JAKMIP1: variants seen among roughly 807,000 people sequenced by gnomAD.
JAKMIP1 encodes the protein janus kinase and microtubule interacting protein 1.
In JAKMIP1, 33 loss-of-function variants were observed where a neutral mutation model predicts 113.0. The ratio of observed to expected loss-of-function variants is 0.29; its 90% CI spans 0.22 to 0.39. The LOEUF (loss-of-function observed/expected upper bound fraction) is 0.39. Among genes scored for constraint, JAKMIP1 ranks in the 10% least tolerant of loss-of-function variants. The pLI, the probability that JAKMIP1 is intolerant of heterozygous loss-of-function variation, is 1.00. For synonymous variants in JAKMIP1, 480 were observed against 459.9 expected, an observed-to-expected ratio of 1.04 and a Z score of -0.56; for missense variants, 813 against 1,080.5, an observed-to-expected ratio of 0.75 and a Z score of 3.47.
Position 6,070,821 on chromosome 4 carries a change from C to A in JAKMIP1, c.1303-5813G>T, listed in dbSNP as rs1031790018. 3.4e-5 allele frequency among the ~76,000 whole-genome samples: 5 copies of A among 146,796 alleles called. No homozygotes were observed. In the East Asian group the frequency reaches 1.1e-3, roughly 34 times the overall value. ...TACCATTTTTATAGGCCAAAACAAACCATTATTTAATAGAAAAACTGATTT... is the reference window on the plus strand; with the variant it reads ...TACCATTTTTATAGGCCAAAACAAAACATTATTTAATAGAAAAACTGATTT... On this transcript the variant is annotated intron_variant, in intron 8 of 20. Transcript: ENST00000409021.
chr4:6,135,059 C>G lies in JAKMIP1; in HGVS notation c.-147-22062G>C, dbSNP rs145841765. ...GGCTCGTGTATCTCTGGTCTGGTAT[C>G]GTTGGGGCAGAGCTGCTCAGTCTCC... is the stretch of plus-strand genomic sequence containing the variant. On this transcript the variant is annotated intron_variant, in intron 1 of 20. Coordinates refer to ENST00000409021, the MANE Select transcript of JAKMIP1 (RefSeq NM_001099433.2). This position sits in a 1 kb window ranked among gnomAD's most constrained non-coding sequence, Gnocchi z 4.9. 6.6e-6 allele frequency among the ~76,000 whole-genome samples: 1 copy of G among 150,750 alleles called. No homozygotes were observed. The highest frequency in any genetic ancestry group is 2.4e-5 in the African/African-American group (1 of 40,964).
intron 3 of JAKMIP1, among the ~76,000 whole-genome samples, chr4:6,095,353 G>A (rs2108850847): frequency 6.6e-6 from 1 of 151,064 alleles, no homozygotes; most frequent in East Asian, 2.0e-4. Context: ...AGGAAGGGAG[G>A]AAGAAAGGAA....
At chr4:6,132,045 GATAAA>G (rs954218301) in intron 1 of JAKMIP1, among the ~76,000 whole-genome samples, 15 of 152,204 alleles carry the variant, frequency 9.9e-5, no homozygotes, top group African/African-American at 3.6e-4. Flanking sequence ...AATATGTGAA[GATAAA>G]ATAAAATCAT....
chr4:6,154,300 G>A lies in JAKMIP1; in HGVS notation c.-147-41303C>T, dbSNP rs1721968502. 6.6e-6 allele frequency among the ~76,000 whole-genome samples: 1 copy of A among 152,026 alleles called. No individual in the cohort carries two copies. The highest frequency in any genetic ancestry group is 6.6e-5 in the Admixed American group (1 of 15,266). On this transcript the variant is annotated intron_variant, in intron 1 of 20. Transcript: ENST00000409021. This position sits in a 1 kb window ranked among gnomAD's most constrained non-coding sequence, Gnocchi z 4.2. ...GGCCATTGAACTACTTTAATAATTC[G>A]GTCATTTTCACATCAAAACCATTGC... is the stretch of plus-strand genomic sequence containing the variant.
At chr4:6,102,722 C>CTTTTTTTTTTTTTTTTTTTTTTTTTT (rs1191358910) in intron 3 of JAKMIP1, among the ~76,000 whole-genome samples, 1 of 50,820 alleles carries the variant, frequency 2.0e-5, no homozygotes, top group Non-Finnish European at 3.2e-5. Context: ...TCTCTAAAGA[C>CTTTTTTTTTTTTTTTTTTTTTTTTTT]TTTTTTTTTT....
At position 6,192,057 on chromosome 4, in the gene JAKMIP1, C is replaced by T. The variant is rs1325810201; in HGVS notation, c.-148+8196G>A. ...GAGCTATTCTCCTGCCTCAGCCTCC[C>T]GAGTAGTTGGGATTACAGGCGTGTG... On this transcript the variant is annotated intron_variant, in intron 1 of 20. Transcript: ENST00000409021. This position sits in a 1 kb window ranked among gnomAD's most constrained non-coding sequence, Gnocchi z 5.0. 1.3e-5 allele frequency among the ~76,000 whole-genome samples: 2 copies of T among 151,958 alleles called. No homozygotes were observed. The highest frequency in any genetic ancestry group is 2.4e-5 in the African/African-American group (1 of 41,348).
chr4:6,125,457 G>T (rs1310045451), intron 1 of JAKMIP1, among the ~76,000 whole-genome samples: 1 of 152,050 alleles, frequency 6.6e-6, no homozygotes, highest in African/African-American at 2.4e-5. Flanking sequence ...TCCTGTTTTG[G>T]GTCAGGTTGT....
intron 18 of JAKMIP1, among the ~76,000 whole-genome samples, chr4:6,038,117 C>T (rs910036929): frequency 1.4e-5 from 2 of 138,582 alleles, no homozygotes; most frequent in African/African-American, 2.9e-5. Context: ...CAGAGGTTAA[C>T]CCAGTAGCCC....
In JAKMIP1 at chr4:6,155,727, G is replaced by T. The variant is rs1179462617; in HGVS notation, c.-147-42730C>A. Among the ~76,000 whole-genome samples the T allele has an allele frequency of 6.6e-6, 1 of 152,204 alleles. No homozygotes were observed. Among genetic ancestry groups the T allele is most frequent in the Non-Finnish European group, 1.5e-5 (1 of 68,038 alleles). Reference sequence around the variant, plus strand: ...CTGTATGTCCCATGGCACATTTATAGAACGGGATATTATAGTGTCCTTTAA... The same window carrying T: ...CTGTATGTCCCATGGCACATTTATATAACGGGATATTATAGTGTCCTTTAA... On this transcript the variant is annotated intron_variant, in intron 1 of 20. Coordinates refer to ENST00000409021, the MANE Select transcript of JAKMIP1 (RefSeq NM_001099433.2). The surrounding 1 kb of genome is among the most constrained non-coding windows in gnomAD (Gnocchi z 6.1).
intron 1 of JAKMIP1, among the ~76,000 whole-genome samples, chr4:6,145,562 G>C (rs555319068): frequency 2.0e-5 from 3 of 152,106 alleles, no homozygotes; most frequent in African/African-American, 7.2e-5. Context: ...TAAGAGCTGG[G>C]TCTTGAAGAG....
chr4:6,161,306 G>A (rs764711036), intron 1 of JAKMIP1, among the ~76,000 whole-genome samples: 13 of 134,362 alleles, frequency 9.7e-5, no homozygotes, highest in African/African-American at 4.6e-4. Flanking sequence ...GACCTCCACT[G>A]ACTTCTATGG....
chr4:6,132,457 C>T (rs1718630697), intron 1 of JAKMIP1, among the ~76,000 whole-genome samples: 1 of 152,038 alleles, frequency 6.6e-6, no homozygotes, highest in African/African-American at 2.4e-5. Flanking sequence ...GCCTGGCCAA[C>T]ATGGTGAAAC....
chr4:6,098,722 A>AAGAAAGAAAGAAAGAG (rs373338055), intron 3 of JAKMIP1, among the ~76,000 whole-genome samples: 1 of 12,978 alleles, frequency 7.7e-5, no homozygotes, highest in African/African-American at 2.2e-4. Flanking sequence ...GAAAGAAAGA[A>AAGAAAGAAAGAAAGAG]AAAGAAAGAA....
In JAKMIP1 at chr4:6,162,596, G is replaced by A. The variant is rs1272535950; in HGVS notation, c.-148+37657C>T. 3.3e-5 allele frequency among the ~76,000 whole-genome samples: 5 copies of A among 152,200 alleles called. No homozygotes were observed. The highest frequency in any genetic ancestry group is 2.0e-4 in the Admixed American group (3 of 15,286). ...AGGCAGTCATGTCAACAGGGCAAAG[G>A]CACCATCTCGTTCAACCTGCCAAGC... On this transcript the variant is annotated intron_variant, in intron 1 of 20. Coordinates refer to ENST00000409021, the MANE Select transcript of JAKMIP1 (RefSeq NM_001099433.2). This position sits in a 1 kb window ranked among gnomAD's most constrained non-coding sequence, Gnocchi z 5.6.
chr4:6,033,394 G>A (rs1473981989), intron 19 of JAKMIP1, among the ~76,000 whole-genome samples: 1 of 152,202 alleles, frequency 6.6e-6, no homozygotes, highest in Admixed American at 6.5e-5. Context: ...ATACATGAGT[G>A]TTAGGGATTA....
Position 6,150,511 on chromosome 4 carries a change from G to A in JAKMIP1, c.-147-37514C>T, listed in dbSNP as rs1721438374. ...GGTACACAGCCCTGTTTGCTGAACT[G>A]AGTGGTTTCCGCATCCAGGAATAGA... On this transcript the variant is annotated intron_variant, in intron 1 of 20. Coordinates refer to ENST00000409021, the MANE Select transcript of JAKMIP1 (RefSeq NM_001099433.2). This position sits in a 1 kb window ranked among gnomAD's most constrained non-coding sequence, Gnocchi z 4.8. 6.6e-6 allele frequency: 1 copy of A among 152,278 alleles called. No individual in the cohort carries two copies. Among genetic ancestry groups the A allele is most frequent in the African/African-American group, 2.4e-5 (1 of 41,452 alleles). 9.4% of individuals were successfully genotyped at this position (152,278 alleles called of 1,614,324 possible).
chr4:6,109,590 C>T (rs1381289326), intron 2 of JAKMIP1, among the ~76,000 whole-genome samples: 1 of 151,910 alleles, frequency 6.6e-6, no homozygotes, highest in African/African-American at 2.4e-5. Flanking sequence ...CTGTGAGGCT[C>T]TGTACCCATG....
intron 12 of JAKMIP1, among the ~76,000 whole-genome samples, chr4:6,055,638 G>A (rs1171613539): frequency 5.9e-5 from 9 of 152,202 alleles, no homozygotes; most frequent in Admixed American, 5.9e-4. Flanking sequence ...CAGGAAGATG[G>A]ACCAGCCCAA....
rs1381756314 is a variant in JAKMIP1 at position 6,178,366 on chromosome 4, AG to A, written c.-148+21886del. On this transcript the variant is annotated intron_variant, in intron 1 of 20. Coordinates refer to ENST00000409021, the MANE Select transcript of JAKMIP1 (RefSeq NM_001099433.2). This position sits in a 1 kb window ranked among gnomAD's most constrained non-coding sequence, Gnocchi z 5.5. ...TGTGTGGTGGGAGGGACCTCTCGGG[AG>A]GTAATTGAATCATGGGGGCAGTTTA... Among the ~76,000 whole-genome samples, 1 of 152,100 alleles carries A rather than the reference AG, an allele frequency of 6.6e-6. No homozygotes were observed.
Sources: allele counts gnomAD v4.1 joint callset (sites outside exome capture counted in the v4.1 genomes callset), GRCh38; gene constraint gnomAD v4.1.1; non-coding constraint Gnocchi (gnomAD v3.1); transcripts MANE v1.5; gene names NCBI Gene and HGNC (gene_info 2026-07-23, HGNC 2026-07-21).